Variants in CLEC20A observed in about 807,000 individuals in gnomAD.
The protein encoded by CLEC20A is putative C-type lectin domain family 20 member A.
chr1:178,490,985 A>T, intron 3 of CLEC20A, among the ~76,000 whole-genome samples: 1 of 152,180 alleles, frequency 6.6e-6, no homozygotes. Context: ...ATGTTCCTAG[A>T]CTCACCGTGC....
chr1:178,486,768 G>A (rs1258151037), intron 5 of CLEC20A: 3 of 398,586 alleles, frequency 7.5e-6, no homozygotes, highest in East Asian at 3.6e-5. Context: ...CAGGGCTGGA[G>A]GGCTGGGACG....
At chr1:178,496,531 A>G (rs1305297579) in intron 1 of CLEC20A, 1 of 222,526 alleles carries the variant, frequency 4.5e-6, no homozygotes, top group African/African-American at 2.3e-5. Context: ...TGGTCCACAG[A>G]CCCCCACAAC....
chr1:178,495,631 C>T (rs987954308), intron 1 of CLEC20A, among the ~76,000 whole-genome samples: 1 of 151,742 alleles, frequency 6.6e-6, no homozygotes, highest in Non-Finnish European at 1.5e-5. Context: ...ATGATGCCAG[C>T]CACATCACAA....
At chr1:178,482,428 GA>G in intron 6 of CLEC20A, 31 bp from the exon 7 acceptor site, 1 of 398,528 alleles carries the variant, frequency 2.5e-6, no homozygotes. Context: ...TGTTCAGGGG[GA>G]TATTATCCTA....
chr1:178,489,053 C>T (rs1649217456), intron 4 of CLEC20A, among the ~76,000 whole-genome samples: 2 of 152,060 alleles, frequency 1.3e-5, no homozygotes, highest in African/African-American at 2.4e-5. Context: ...AAAGCCACTG[C>T]GTTGTACCCT....
At chr1:178,482,001 A>C in intron 7 of CLEC20A, 1 of 230,654 alleles carries the variant, frequency 4.3e-6, no homozygotes, top group East Asian at 8.0e-5. Context: ...GCCCAAAGCT[A>C]CACAATGGAT....
At chr1:178,482,719 C>T (rs982766398) in intron 6 of CLEC20A, 13 of 231,700 alleles carry the variant, frequency 5.6e-5, no homozygotes, top group Non-Finnish European at 1.1e-4. Context: ...CCACACCATG[C>T]CGGAAATACT....
intron 6 of CLEC20A, 150 bp downstream of exon 6, chr1:178,483,025 T>C: frequency 2.5e-6 from 1 of 394,708 alleles, no homozygotes; most frequent in African/African-American, 2.1e-5. Context: ...GAGCATAAAC[T>C]AGAATCCACC....
At chr1:178,487,317 T>G (rs1649173562) in intron 5 of CLEC20A, among the ~76,000 whole-genome samples, 1 of 152,164 alleles carries the variant, frequency 6.6e-6, no homozygotes, top group South Asian at 2.1e-4. Context: ...TTACCCAGCT[T>G]CTGACCCAAA....
chr1:178,490,306 T>G (rs1451584519), exon 4 of CLEC20A: 1 of 398,582 alleles, frequency 2.5e-6, no homozygotes, highest in Non-Finnish European at 4.4e-6. Flanking sequence ...AAGGCCTCCT[T>G]GCCTGTCTCA....
intron 3 of CLEC20A, among the ~76,000 whole-genome samples, 154 bp downstream of exon 3, chr1:178,492,347 A>G (rs1186776043): frequency 6.6e-6 from 1 of 152,184 alleles, no homozygotes; most frequent in Non-Finnish European, 1.5e-5. Context: ...GCCAGGGGGC[A>G]GCAAATTCTG....
exon 1 of CLEC20A, chr1:178,496,929 C>T (rs1243875178): frequency 1.8e-5 from 7 of 399,686 alleles, no homozygotes; most frequent in African/African-American, 4.1e-5. Context: ...CAGCAGCGCC[C>T]GGGGCAGCAT....
At chr1:178,486,358 C>G (rs1649143528) in intron 5 of CLEC20A, 1 of 398,328 alleles carries the variant, frequency 2.5e-6, no homozygotes, top group Non-Finnish European at 4.4e-6. Context: ...CCTGGTCGCC[C>G]CAAGAGAGGA....
chr1:178,494,303 C>T (rs1030235375), intron 2 of CLEC20A, among the ~76,000 whole-genome samples, 151 bp downstream of exon 2: 1 of 152,182 alleles, frequency 6.6e-6, no homozygotes, highest in African/African-American at 2.4e-5. Context: ...CCTGTAGTCC[C>T]AGCTGCTCAG....
intron 2 of CLEC20A, among the ~76,000 whole-genome samples, chr1:178,493,198 A>T (rs1649305811): frequency 6.6e-6 from 1 of 152,058 alleles, no homozygotes; most frequent in African/African-American, 2.4e-5. Context: ...GGAGCGGGAG[A>T]CAACGCCATA....
At chr1:178,481,200 TTTA>T in intron 7 of CLEC20A, 1 of 152,324 alleles carries the variant, frequency 6.6e-6, no homozygotes, top group Non-Finnish European at 1.5e-5. Flanking sequence ...TATTATATAT[TTTA>T]TTATAATTTG....
At chr1:178,482,833 A>C in intron 6 of CLEC20A, 1 of 210,694 alleles carries the variant, frequency 4.7e-6, no homozygotes, top group Non-Finnish European at 9.3e-6. Context: ...CATTACAGGA[A>C]CTACAATCTC....
At chr1:178,489,845 A>G (rs1240174011) in intron 4 of CLEC20A, among the ~76,000 whole-genome samples, 2 of 152,246 alleles carry the variant, frequency 1.3e-5, no homozygotes, top group Non-Finnish European at 2.9e-5. Flanking sequence ...GGCTGGATGG[A>G]ATCCGTTCCA....
intron 7 of CLEC20A, 192 bp from the exon 8 acceptor site, chr1:178,479,807 C>CA (rs947162418): frequency 0.032 from 8,747 of 270,688 alleles, 15 homozygotes; most frequent in Middle Eastern, 0.049. Flanking sequence ...ATTTTGTTAG[C>CA]AAAAAAAAAA....
Sources: gnomAD v4.1 joint callset for allele counts (sites outside exome capture counted in the v4.1 genomes callset) on GRCh38, gnomAD v4.1.1 for gene constraint, MANE v1.5 for transcripts, NCBI Gene and HGNC (gene_info 2026-07-23, HGNC 2026-07-21) for gene names.